The following CNTN5 variants were observed in gnomAD, a reference collection of about 807,000 sequenced individuals.
CNTN5 encodes the protein contactin 5.
Under a neutral mutation model 129.1 loss-of-function variants are expected in CNTN5, and 77 were observed. The ratio of observed to expected loss-of-function variants is 0.60; its 90% CI spans 0.50 to 0.72. CNTN5 has a LOEUF of 0.72. CNTN5 is among the 30% of genes least tolerant of loss of function. The pLI is 0.00. For missense variants in CNTN5, 1,478 were observed against 1,328.8 expected, an observed-to-expected ratio of 1.11 and a Z score of -1.75; for synonymous variants, 509 against 465.6, an observed-to-expected ratio of 1.09 and a Z score of -1.20.
chr11:99,115,733 C>A (rs1858015619), intron 1 of CNTN5, among the ~76,000 whole-genome samples: 1 of 152,108 alleles, frequency 6.6e-6, no homozygotes, highest in South Asian at 2.1e-4. Flanking sequence ...GCACTCCAGC[C>A]TGGGCAACAA....
intron 13 of CNTN5, among the ~76,000 whole-genome samples, chr11:100,189,053 AC>A (rs1363399273): frequency 6.6e-6 from 1 of 152,106 alleles, no homozygotes; most frequent in Non-Finnish European, 1.5e-5. Context: ...TAAAATGGCA[AC>A]AATAAAAACT....
intron 2 of CNTN5, among the ~76,000 whole-genome samples, chr11:99,504,789 G>A (rs960012449): frequency 1.3e-5 from 2 of 152,088 alleles, no homozygotes; most frequent in African/African-American, 2.4e-5. Context: ...TTAACCACTT[G>A]TGATTAGAGT....
At chr11:99,086,019 A>G (rs1014671454) in intron 1 of CNTN5, among the ~76,000 whole-genome samples, 5 of 152,252 alleles carry the variant, frequency 3.3e-5, no homozygotes, top group African/African-American at 1.2e-4. Flanking sequence ...ACCACCATGC[A>G]GTTTAAAACC....
At chr11:99,940,057 A>G (rs1229576444) in intron 7 of CNTN5, among the ~76,000 whole-genome samples, 2 of 152,138 alleles carry the variant, frequency 1.3e-5, no homozygotes, top group Non-Finnish European at 2.9e-5. Flanking sequence ...GTCTAGAGGC[A>G]TTTTTAATTT....
At chr11:99,434,277 A>G (rs1943515166) in intron 2 of CNTN5, among the ~76,000 whole-genome samples, 1 of 152,194 alleles carries the variant, frequency 6.6e-6, no homozygotes, top group South Asian at 2.1e-4. Context: ...CTGAAAAAAC[A>G]GTAGATAATA....
intron 3 of CNTN5, among the ~76,000 whole-genome samples, chr11:99,601,330 C>T (rs925266464): frequency 6.6e-6 from 1 of 152,142 alleles, no homozygotes; most frequent in African/African-American, 2.4e-5. Flanking sequence ...AATCATCAAA[C>T]TTTGTTTTCT....
chr11:99,260,030 T>C (rs949008936), intron 1 of CNTN5, among the ~76,000 whole-genome samples: 1 of 151,758 alleles, frequency 6.6e-6, no homozygotes, highest in Non-Finnish European at 1.5e-5. Flanking sequence ...ATCTGTTACC[T>C]GAAGCGAAAA....
chr11:100,235,703 G>A (rs1949598715), intron 16 of CNTN5, among the ~76,000 whole-genome samples: 1 of 152,114 alleles, frequency 6.6e-6, no homozygotes, highest in Non-Finnish European at 1.5e-5. Context: ...TTTGCATTAG[G>A]TCGCTTAATT....
chr11:99,730,456 A>G (rs904489281), intron 3 of CNTN5, among the ~76,000 whole-genome samples: 11 of 152,186 alleles, frequency 7.2e-5, no homozygotes, highest in African/African-American at 1.9e-4. Context: ...AAAGATAAAC[A>G]CCTCAATATT....
intron 2 of CNTN5, among the ~76,000 whole-genome samples, chr11:99,490,346 C>T (rs895614305): frequency 2.6e-5 from 4 of 152,066 alleles, no homozygotes; most frequent in Non-Finnish European, 5.9e-5. Context: ...TAGTTTATTA[C>T]ATAAATTCAT....
intron 13 of CNTN5, among the ~76,000 whole-genome samples, chr11:100,078,057 A>T (rs1944212279): frequency 1.3e-5 from 2 of 152,084 alleles, no homozygotes. Context: ...TGTAAATAAA[A>T]TGATTGAAAA....
chr11:99,594,001 C>T (rs1423151315), intron 3 of CNTN5, among the ~76,000 whole-genome samples: 1 of 152,100 alleles, frequency 6.6e-6, no homozygotes, highest in South Asian at 2.1e-4. Context: ...AGGGATTTTT[C>T]CCTCTTTAGA....
chr11:99,337,722 C>T (rs1866296191), intron 2 of CNTN5, among the ~76,000 whole-genome samples: 2 of 151,992 alleles, frequency 1.3e-5, no homozygotes, highest in African/African-American at 4.8e-5. Flanking sequence ...GGGGCTTGCT[C>T]CCAACAAAAT....
At chr11:99,800,481 T>A (rs567608619) in intron 3 of CNTN5, among the ~76,000 whole-genome samples, 1 of 152,224 alleles carries the variant, frequency 6.6e-6, no homozygotes, top group South Asian at 2.1e-4. Context: ...AACTGTTAGG[T>A]CTGGGATTTC....
At chr11:99,915,202 T>C (rs1949756591) in intron 6 of CNTN5, among the ~76,000 whole-genome samples, 1 of 152,066 alleles carries the variant, frequency 6.6e-6, no homozygotes, top group Non-Finnish European at 1.5e-5. Flanking sequence ...AGTCTAAAAG[T>C]TGTCTTATTG....
intron 2 of CNTN5, among the ~76,000 whole-genome samples, chr11:99,372,521 T>C (rs1939885160): frequency 6.6e-6 from 1 of 152,094 alleles, no homozygotes; most frequent in Non-Finnish European, 1.5e-5. Flanking sequence ...GGACAACCTC[T>C]TGGAGAGGGG....
At chr11:99,810,013 A>G (rs1946383480) in intron 3 of CNTN5, among the ~76,000 whole-genome samples, 1 of 152,116 alleles carries the variant, frequency 6.6e-6, no homozygotes, top group South Asian at 2.1e-4. Flanking sequence ...ATTGTGAGGG[A>G]AATATTAATT....
chr11:99,959,342 C>T lies in CNTN5; in HGVS notation c.877+2333C>T, dbSNP rs77295581. Among the ~76,000 whole-genome samples, 11 of 152,282 alleles carry T rather than the reference C, an allele frequency of 7.2e-5. No individual in the cohort carries two copies. The East Asian group carries it at 9.7e-4, about 13-fold the overall frequency. On this transcript the variant is annotated intron_variant, in intron 8 of 24. Coordinates refer to ENST00000524871, the MANE Select transcript of CNTN5 (RefSeq NM_014361.4). The stretch of plus-strand genomic sequence containing the variant: ...GCTTTCCTTAGACTGGATTGCCTCA[C>T]GACCACCACTTCACAAAAACTGTGT...
At chr11:100,347,530 A>G (rs1952310567) in intron 23 of CNTN5, among the ~76,000 whole-genome samples, 1 of 152,130 alleles carries the variant, frequency 6.6e-6, no homozygotes, top group Non-Finnish European at 1.5e-5. Flanking sequence ...CTCATGTCAC[A>G]TGCAGTATAT....
Sources: allele counts gnomAD v4.1 joint callset (sites outside exome capture counted in the v4.1 genomes callset), GRCh38; gene constraint gnomAD v4.1.1; transcripts MANE v1.5; gene names NCBI Gene and HGNC (gene_info 2026-07-23, HGNC 2026-07-21).